The following POLR3A variants were observed in gnomAD, a reference collection of about 807,000 sequenced individuals.
POLR3A encodes the protein DNA-directed RNA polymerase III subunit RPC1.
POLR3A carries 112 observed loss-of-function variants against 152.8 expected under a neutral mutation model. The observed-to-expected ratio is 0.73, with a 90% CI of 0.63 to 0.86. POLR3A has a LOEUF of 0.86. Ranked by LOEUF, POLR3A falls within the 40% of genes least tolerant of loss-of-function variation. The pLI, the probability that POLR3A is intolerant of heterozygous loss-of-function variation, is 0.00. For synonymous variants in POLR3A, 615 were observed against 652.1 expected (o/e 0.94, Z 0.87); for missense variants, 1,385 against 1,743.1 (o/e 0.79, Z 3.66).
In POLR3A at chr10:78,009,854, C is replaced by CCA; in HGVS notation, c.1770+8_1770+9dup. The CCA allele has an allele frequency of 6.2e-7, 1 of 1,613,960 alleles. No homozygotes were observed. The highest frequency in any genetic ancestry group is 8.5e-7 in the Non-Finnish European group (1 of 1,179,944). ...ACACCTGTGCACCAACACACAACTC[C>CCA]CACACACACCTTTAGGATTGTAGGC... On this transcript the variant is annotated intron_variant, in intron 13 of 30. Coordinates refer to ENST00000372371, the MANE Select transcript of POLR3A (RefSeq NM_007055.4).
chr10:78,026,952 T>C (rs1472177989), intron 1 of POLR3A, among the ~76,000 whole-genome samples: 3 of 152,200 alleles, frequency 2.0e-5, no homozygotes, highest in African/African-American at 7.2e-5. Flanking sequence ...GACTATTTCC[T>C]ATGTGCCAGG....
chr10:78,025,673 C>T lies in POLR3A; in HGVS notation c.267G>A (p.Glu89=), dbSNP rs140284848. ...AGTACCCTACATGAAAACACGGCAA[C>T]TCCAGGTCGATATACCCATAGTGGC... ...CLGHYGYIDL[E]LPCFHVGYFR... Residue 89 remains glutamate (E), a synonymous_variant, in exon 3 of 31, where the codon GAG becomes GAA. Coordinates refer to ENST00000372371, the MANE Select transcript of POLR3A (RefSeq NM_007055.4). 1.9e-6 allele frequency: 3 copies of T among 1,614,030 alleles called. No individual in the cohort carries two copies. In the African/African-American group the frequency reaches 4.0e-5, roughly 22 times the overall value.
At chr10:78,022,105 G>C in intron 6 of POLR3A, 40 bp downstream of exon 6, 1 of 1,614,078 alleles carries the variant, frequency 6.2e-7, no homozygotes, top group Non-Finnish European at 8.5e-7. Flanking sequence ...TTTTTGGATA[G>C]ATATACTATG....
chr10:78,001,755 C>A (rs1466659306), intron 17 of POLR3A, among the ~76,000 whole-genome samples: 1 of 152,272 alleles, frequency 6.6e-6, no homozygotes, highest in East Asian at 1.9e-4. Flanking sequence ...CCCACCTCAG[C>A]CTCCTGATTA....
intron 11 of POLR3A, among the ~76,000 whole-genome samples, chr10:78,012,914 G>A (rs1467730204): frequency 6.6e-6 from 1 of 152,136 alleles, no homozygotes; most frequent in East Asian, 1.9e-4. Context: ...TAGAGATGGA[G>A]TTTCGCCATG....
At chr10:78,002,116 G>T in intron 17 of POLR3A, 81 bp downstream of exon 17, 1 of 747,508 alleles carries the variant, frequency 1.3e-6, no homozygotes, top group Non-Finnish European at 2.3e-6. Context: ...TCTGTTTGGA[G>T]CTGTGACTAT....
rs571637697 is a variant in POLR3A at position 78,029,481 on chromosome 10, G to A, written c.-74C>T. 4 of 1,516,746 alleles carry A rather than the reference G, an allele frequency of 2.6e-6. No homozygotes were observed. The highest frequency in any genetic ancestry group is 3.7e-6 in the Non-Finnish European group (4 of 1,094,922). 94.0% of individuals were successfully genotyped at this position (1,516,746 alleles called of 1,614,324 possible). On this transcript the variant is annotated 5_prime_UTR_variant, in exon 1 of 31. Coordinates refer to ENST00000372371, the MANE Select transcript of POLR3A (RefSeq NM_007055.4). ...AGAAACGATGCCCCCAGCACCTCCT[G>A]GGGCTGCTTCTGGACTCGCCGCTAA...
chr10:78,020,609 A>T lies in POLR3A; in HGVS notation c.1185+937T>A, dbSNP rs376716408. On this transcript the variant is annotated intron_variant, in intron 8 of 30. Transcript: ENST00000372371. ...CGAGACGATCCTGGCCAACATGGTG[A>T]AACTCCGTCTCTACTAAAAATACAG... Among the ~76,000 whole-genome samples, 3 of 152,004 alleles carry T rather than the reference A, an allele frequency of 2.0e-5. No homozygotes were observed. The East Asian group carries it at 5.8e-4, about 29-fold the overall frequency.
intron 14 of POLR3A, among the ~76,000 whole-genome samples, chr10:78,008,885 A>T (rs1216909105): frequency 1.3e-5 from 2 of 151,302 alleles, no homozygotes; most frequent in Non-Finnish European, 2.9e-5. Flanking sequence ...GGCTGGGTGC[A>T]GTGGCTCATG....
At chr10:78,009,439 A>C (rs1847442630) in intron 14 of POLR3A, 98 bp downstream of exon 14, 1 of 1,540,192 alleles carries the variant, frequency 6.5e-7, no homozygotes, top group Non-Finnish European at 9.0e-7. Context: ...GAAACAATGA[A>C]TTTGCTTGCT....
Position 78,004,843 on chromosome 10 carries a change from T to C in POLR3A, c.2120A>G (p.Gln707Arg), listed in dbSNP as rs752039681. The change falls in exon 16 of 31, where the codon CAA becomes CGA. Residue 707 changes from glutamine (Q) to arginine (R), a missense_variant. Transcript: ENST00000372371. ...SIGIGDVTPG[Q>R]GLLKAKYELL... ...CTCATACTTGGCCTTCAGCAGTCCT[T>C]GGCCAGGTGTGACATCACCGATCCC... The C allele has an allele frequency of 3.7e-5, 59 of 1,613,978 alleles. No individual in the cohort carries two copies. The highest frequency in any genetic ancestry group is 4.3e-5 in the Non-Finnish European group (51 of 1,179,934).
intron 8 of POLR3A, 124 bp from the exon 9 acceptor site, chr10:78,019,389 G>A: frequency 1.4e-6 from 1 of 738,116 alleles, no homozygotes; most frequent in Non-Finnish European, 2.4e-6. Flanking sequence ...GGCATCCTGG[G>A]CAGCCTGCTG....
chr10:78,005,136 G>A (rs1847398722), intron 15 of POLR3A, among the ~76,000 whole-genome samples: 1 of 152,194 alleles, frequency 6.6e-6, no homozygotes, highest in Non-Finnish European at 1.5e-5. Flanking sequence ...GAGACCTTAC[G>A]ATCTGGTGGG....
intron 8 of POLR3A, 91 bp from the exon 9 acceptor site, chr10:78,019,356 G>T: frequency 1.1e-6 from 1 of 943,136 alleles, no homozygotes; most frequent in Non-Finnish European, 1.7e-6. Flanking sequence ...TACTTTCCTT[G>T]TTCAGATTCT....
At chr10:78,027,804 G>T (rs1268551813) in intron 1 of POLR3A, among the ~76,000 whole-genome samples, 1 of 152,126 alleles carries the variant, frequency 6.6e-6, no homozygotes, top group East Asian at 1.9e-4. Context: ...TGATCTGCCT[G>T]CCATGGCCTC....
Position 78,001,053 on chromosome 10 carries a change from G to T in POLR3A, c.2401C>A (p.Gln801Lys). 1.2e-6 allele frequency: 2 copies of T among 1,609,624 alleles called. No individual in the cohort carries two copies. Among genetic ancestry groups the T allele is most frequent in the Non-Finnish European group, 1.7e-6 (2 of 1,176,066 alleles). ...NISQMIACVGQQAISGSRVPD... is the reference protein window; with the variant it reads ...NISQMIACVGKQAISGSRVPD... ...ACTCGAGAGCCACTGATGGCCTGCT[G>T]TCCCACACAGGCAATCATCTGTGAT... Residue 801 changes from glutamine to lysine, a missense_variant, in exon 18 of 31, where the codon CAG becomes AAG. Gln to Lys is a moderately conservative substitution (Grantham distance 53, BLOSUM62 1). This residue lies in a region of POLR3A where 170 missense variants were observed against 231.2 expected (regional missense o/e 0.74). Transcript: ENST00000372371.
chr10:78,018,567 G>C (rs1847547880), intron 9 of POLR3A, among the ~76,000 whole-genome samples: 1 of 151,810 alleles, frequency 6.6e-6, no homozygotes, highest in African/African-American at 2.4e-5. Context: ...GGTGACACAG[G>C]CAATGATCCA....
rs1847093117 is a variant in POLR3A at position 77,976,747 on chromosome 10, G to A, written c.*731C>T. On this transcript the variant is annotated 3_prime_UTR_variant, in exon 31 of 31. Transcript: ENST00000372371. ...CTCTTGTCACAGGGTAGAGCCCCAT[G>A]ATAGGGGTCTGAGGTAGATGAAAAC... 1 of 152,380 alleles carries A rather than the reference G, an allele frequency of 6.6e-6. No homozygotes were observed. Among genetic ancestry groups the A allele is most frequent in the Non-Finnish European group, 1.5e-5 (1 of 68,182 alleles). The allele number at this position is 152,380 out of a possible 1,614,324, so 9.4% of individuals were successfully genotyped here. A position where few individuals can be genotyped will look rare whatever the true frequency, so the allele number is the denominator to read the frequency against.
rs145738124 is a variant in POLR3A, at chr10:77,993,284, G to A, written c.2700C>T (p.Phe900=). The change falls in exon 20 of 31, where the codon TTC becomes TTT. Residue 900 remains phenylalanine, a synonymous_variant. Coordinates refer to ENST00000372371, the MANE Select transcript of POLR3A (RefSeq NM_007055.4). ...GATCTAAGCCATCTCCTCCATAAAT[G>A]AACTGGATAATATCGCCAGTAGAGC... is the stretch of plus-strand genomic sequence containing the variant. ...VRSSTGDIIQ[F]IYGGDGLDPA... is the part of the protein sequence containing the mutation. 7.3e-5 allele frequency: 117 copies of A among 1,611,982 alleles called. No individual in the cohort carries two copies. The highest frequency in any genetic ancestry group is 2.7e-4 in the East Asian group (12 of 44,854).
Sources: gnomAD v4.1 joint callset for allele counts (sites outside exome capture counted in the v4.1 genomes callset) on GRCh38, gnomAD v4.1.1 for gene constraint, gnomAD v4.1.1 regional missense constraint, MANE v1.5 for transcripts, NCBI Gene and HGNC (gene_info 2026-07-23, HGNC 2026-07-21) for gene names.